Variants in STAC observed in about 807,000 individuals in gnomAD.
The protein encoded by STAC is SH3 and cysteine-rich domain-containing protein.
A neutral mutation model predicts 48.8 loss-of-function variants in STAC; 43 were observed. The observed-to-expected ratio is 0.88, with a 90% CI of 0.69 to 1.14. The LOEUF is 1.14. Ranked by LOEUF, STAC falls within the 50% of genes most tolerant of loss-of-function variation. The pLI is 0.00. For missense variants in STAC, 497 were observed against 504.0 expected (o/e 0.99, Z 0.13); for synonymous variants, 193 against 179.5 (o/e 1.07, Z -0.60).
At position 36,486,049 on chromosome 3, in the gene STAC, C is replaced by A. The variant is rs112533706; in HGVS notation, c.572-85C>A. On this transcript the variant is annotated intron_variant, in intron 4 of 10. Coordinates refer to ENST00000273183, the MANE Select transcript of STAC (RefSeq NM_003149.3). ...CTCTGCACAGAGCCTGCTTCTCAGG[C>A]GCTGTTCACCCAGGAGATGTGGTAG... The A allele has an allele frequency of 5.0e-6, 5 of 992,008 alleles. No individual in the cohort carries two copies. The African/African-American group carries it at 8.1e-5, about 16-fold the overall frequency. 61.5% of individuals were successfully genotyped at this position (992,008 alleles called of 1,614,324 possible). A position where few individuals can be genotyped will look rare whatever the true frequency, so the allele number is the denominator to read the frequency against.
At chr3:36,447,969 G>T (rs559056306) in intron 2 of STAC, among the ~76,000 whole-genome samples, 1 of 152,142 alleles carries the variant, frequency 6.6e-6, no homozygotes, top group South Asian at 2.1e-4. Context: ...ATTTTAAAAT[G>T]CAGCACCCAG....
chr3:36,441,915 AT>A (rs1303531384), intron 1 of STAC, among the ~76,000 whole-genome samples: 1 of 151,102 alleles, frequency 6.6e-6, no homozygotes, highest in Non-Finnish European at 1.5e-5. Context: ...TCATTTTCTC[AT>A]TTTTAAATTG....
At chr3:36,485,324 G>T (rs1296261852) in intron 4 of STAC, among the ~76,000 whole-genome samples, 1 of 152,206 alleles carries the variant, frequency 6.6e-6, no homozygotes, top group African/African-American at 2.4e-5. Flanking sequence ...CAGCAGCATG[G>T]TGGAGTGGAA....
intron 1 of STAC, among the ~76,000 whole-genome samples, chr3:36,388,832 CTT>C (rs1699678880): frequency 6.6e-6 from 1 of 151,844 alleles, no homozygotes. Flanking sequence ...TGTTTTGTAA[CTT>C]TATTTTTGCA....
intron 1 of STAC, among the ~76,000 whole-genome samples, chr3:36,412,027 A>C (rs1700205855): frequency 6.6e-6 from 1 of 152,232 alleles, no homozygotes; most frequent in African/African-American, 2.4e-5. Context: ...ATTTTGACTA[A>C]AAGTAACAGA....
chr3:36,484,817 T>G (rs74975922), intron 3 of STAC, among the ~76,000 whole-genome samples, 160 bp from the exon 4 acceptor site: 1 of 152,188 alleles, frequency 6.6e-6, no homozygotes, highest in African/African-American at 2.4e-5. Flanking sequence ...TCTGTGTCCC[T>G]GCTGGGATTA....
intron 2 of STAC, among the ~76,000 whole-genome samples, chr3:36,453,537 C>T (rs918063773): frequency 3.9e-5 from 6 of 152,218 alleles, no homozygotes; most frequent in African/African-American, 1.4e-4. Flanking sequence ...GCTGCCTTCC[C>T]GCGGGGCAGG....
intron 1 of STAC, among the ~76,000 whole-genome samples, chr3:36,432,697 C>T (rs1417988768): frequency 2.7e-5 from 4 of 148,856 alleles, no homozygotes; most frequent in Admixed American, 6.7e-5. Context: ...AGTGAGACTC[C>T]GTCTCAAAAA....
At chr3:36,423,179 T>C (rs1360615581) in intron 1 of STAC, among the ~76,000 whole-genome samples, 2 of 152,076 alleles carry the variant, frequency 1.3e-5, no homozygotes, top group East Asian at 1.9e-4. Flanking sequence ...GAAGTAGGCA[T>C]ATACACAGGC....
chr3:36,421,564 G>A (rs904771252), intron 1 of STAC, among the ~76,000 whole-genome samples: 4 of 151,990 alleles, frequency 2.6e-5, no homozygotes, highest in South Asian at 2.1e-4. Context: ...TTCCCCCACC[G>A]ACAGATTTGG....
intron 8 of STAC, among the ~76,000 whole-genome samples, chr3:36,519,744 T>C (rs1315493967): frequency 6.6e-6 from 1 of 152,130 alleles, no homozygotes; most frequent in African/African-American, 2.4e-5. Flanking sequence ...TGAACACATG[T>C]CAGAATTTTT....
intron 1 of STAC, among the ~76,000 whole-genome samples, chr3:36,422,623 A>C (rs1320699049): frequency 6.6e-6 from 1 of 152,136 alleles, no homozygotes; most frequent in Non-Finnish European, 1.5e-5. Flanking sequence ...ACAAAAAATG[A>C]TTATGTTTTG....
intron 1 of STAC, among the ~76,000 whole-genome samples, chr3:36,408,031 A>G (rs1325405715): frequency 6.6e-6 from 1 of 152,224 alleles, no homozygotes; most frequent in Non-Finnish European, 1.5e-5. Flanking sequence ...AGGCCACTGT[A>G]GGCCCTTGCC....
chr3:36,473,252 G>A (rs1403527542), intron 2 of STAC, among the ~76,000 whole-genome samples: 1 of 151,302 alleles, frequency 6.6e-6, no homozygotes, highest in Non-Finnish European at 1.5e-5. Flanking sequence ...CACAACACAT[G>A]GGAATTCTGG....
chr3:36,515,811 G>T (rs945363660), intron 8 of STAC, among the ~76,000 whole-genome samples: 7 of 151,886 alleles, frequency 4.6e-5, no homozygotes, highest in Non-Finnish European at 1.0e-4. Flanking sequence ...TCTGTTTTAG[G>T]GTAGAGTTTG....
At chr3:36,522,591 G>A (rs1698832488) in intron 8 of STAC, among the ~76,000 whole-genome samples, 1 of 152,120 alleles carries the variant, frequency 6.6e-6, no homozygotes, top group Admixed American at 6.6e-5. Flanking sequence ...GTTTTCCTAG[G>A]ATAAATGAGC....
Position 36,394,904 on chromosome 3 carries a change from G to C in STAC, c.111+14150G>C, listed in dbSNP as rs567767483. 5.3e-5 allele frequency among the ~76,000 whole-genome samples: 8 copies of C among 151,500 alleles called. 1 individual carries two copies. The highest frequency in any genetic ancestry group is 1.9e-4 in the African/African-American group (8 of 41,346). On this transcript the variant is annotated intron_variant, in intron 1 of 10. Coordinates refer to ENST00000273183, the MANE Select transcript of STAC (RefSeq NM_003149.3). ...TCAAAAAAAAAAAAGGAATATATTT[G>C]CATTATATTTTAGAAATAAAATCAA...
At chr3:36,494,189 G>C (rs1039874125) in intron 6 of STAC, among the ~76,000 whole-genome samples, 1 of 149,052 alleles carries the variant, frequency 6.7e-6, no homozygotes, top group Admixed American at 6.7e-5. Flanking sequence ...GAGCCACCTC[G>C]TAATCCAGAG....
chr3:36,504,308 A>T (rs923380920), intron 6 of STAC, 85 bp from the exon 7 acceptor site: 5 of 1,258,936 alleles, frequency 4.0e-6, no homozygotes, highest in Non-Finnish European at 5.7e-6. Context: ...TATGGTACTT[A>T]GAATAAATAA....
Sources: allele counts gnomAD v4.1 joint callset (sites outside exome capture counted in the v4.1 genomes callset), GRCh38; gene constraint gnomAD v4.1.1; transcripts MANE v1.5; gene names NCBI Gene and HGNC (gene_info 2026-07-23, HGNC 2026-07-21).